Variants in CADM2 observed in about 807,000 individuals in gnomAD.
The protein encoded by CADM2 is immunoglobulin superfamily member 4D.
A neutral mutation model predicts 49.8 loss-of-function variants in CADM2; 12 were observed. That is an observed-to-expected ratio of 0.24 (90% confidence interval 0.15 to 0.39). CADM2 has a LOEUF of 0.39. Ranked by LOEUF, CADM2 falls within the 10% of genes least tolerant of loss-of-function variation. CADM2 has a pLI of 1.00. For synonymous variants in CADM2, 214 were observed against 175.4 expected (o/e 1.22, Z -1.74); for missense variants, 378 against 492.3 (o/e 0.77, Z 2.20).
chr3:85,897,891 A>C (rs1715470826), intron 5 of CADM2, among the ~76,000 whole-genome samples: 1 of 152,200 alleles, frequency 6.6e-6, no homozygotes, highest in Non-Finnish European at 1.5e-5. Context: ...TGCATCATGT[A>C]TAAGAATGAA....
At chr3:86,025,271 G>C (rs1306187915) in intron 8 of CADM2, among the ~76,000 whole-genome samples, 1 of 152,038 alleles carries the variant, frequency 6.6e-6, no homozygotes, top group Non-Finnish European at 1.5e-5. Context: ...TGGCCAGGCT[G>C]GTCTCAAACT....
intron 1 of CADM2, among the ~76,000 whole-genome samples, chr3:85,277,034 A>C (rs923235284): frequency 6.6e-6 from 1 of 151,428 alleles, no homozygotes; most frequent in African/African-American, 2.4e-5. Flanking sequence ...AGCTAATACA[A>C]AGAAGAAATG....
chr3:85,846,367 A>C (rs1046186758), intron 3 of CADM2, among the ~76,000 whole-genome samples: 1 of 152,132 alleles, frequency 6.6e-6, no homozygotes, highest in Non-Finnish European at 1.5e-5. Flanking sequence ...TGAGCAACAG[A>C]GCTGTATAGA....
At chr3:85,846,429 C>T in intron 3 of CADM2, among the ~76,000 whole-genome samples, 1 of 152,160 alleles carries the variant, frequency 6.6e-6, no homozygotes. Flanking sequence ...TTCTTATATG[C>T]CAATTCCTAA....
intron 7 of CADM2, among the ~76,000 whole-genome samples, chr3:85,951,663 A>C (rs1367505367): frequency 6.6e-6 from 1 of 150,730 alleles, no homozygotes; most frequent in African/African-American, 2.4e-5. Flanking sequence ...ACAACAAAAA[A>C]CCTCCAAGAT....
chr3:85,328,406 T>C (rs935996600), intron 1 of CADM2, among the ~76,000 whole-genome samples: 2 of 152,236 alleles, frequency 1.3e-5, no homozygotes, highest in Non-Finnish European at 2.9e-5. Flanking sequence ...GGAATTAAAT[T>C]TTAAATTTCC....
At chr3:85,481,096 A>G (rs2039190581) in intron 1 of CADM2, among the ~76,000 whole-genome samples, 1 of 151,376 alleles carries the variant, frequency 6.6e-6, no homozygotes, top group Non-Finnish European at 1.5e-5. Context: ...AACAGAATAA[A>G]CATAACAATG....
chr3:85,000,515 T>G (rs1326614626), intron 1 of CADM2, among the ~76,000 whole-genome samples: 1 of 152,132 alleles, frequency 6.6e-6, no homozygotes, highest in Non-Finnish European at 1.5e-5. Context: ...TAAAATATCT[T>G]AAGATGACTT....
intron 2 of CADM2, among the ~76,000 whole-genome samples, chr3:85,741,150 A>T (rs2068366198): frequency 6.6e-6 from 1 of 152,150 alleles, no homozygotes; most frequent in African/African-American, 2.4e-5. Context: ...AGAGGTTAAA[A>T]TTTTTGAACC....
intron 1 of CADM2, among the ~76,000 whole-genome samples, chr3:85,194,136 A>G (rs2041280038): frequency 6.6e-6 from 1 of 152,058 alleles, no homozygotes; most frequent in African/African-American, 2.4e-5. Flanking sequence ...GTTTTCATAA[A>G]GCAGGGGTTG....
chr3:85,204,728 G>A (rs1299632888), intron 1 of CADM2, among the ~76,000 whole-genome samples: 2 of 152,042 alleles, frequency 1.3e-5, no homozygotes, highest in African/African-American at 4.8e-5. Flanking sequence ...TTTGCTAGGA[G>A]CTTTGATTAA....
chr3:85,408,741 C>T (rs1454336460), intron 1 of CADM2, among the ~76,000 whole-genome samples: 3 of 152,084 alleles, frequency 2.0e-5, no homozygotes, highest in East Asian at 3.9e-4. Flanking sequence ...TTTTAATTTT[C>T]CCTCACATCT....
At chr3:85,146,920 G>A (rs545810388) in intron 1 of CADM2, among the ~76,000 whole-genome samples, 4 of 152,114 alleles carry the variant, frequency 2.6e-5, no homozygotes, top group Admixed American at 2.6e-4. Flanking sequence ...GAAGGGATAG[G>A]GTTTGAATAC....
chr3:85,288,491 A>G (rs1576286459), intron 1 of CADM2, among the ~76,000 whole-genome samples: 1 of 152,146 alleles, frequency 6.6e-6, no homozygotes, highest in Non-Finnish European at 1.5e-5. Flanking sequence ...TTTTAAACTT[A>G]TTAAAATAAT....
At chr3:85,603,444 C>T (rs2063468467) in intron 1 of CADM2, among the ~76,000 whole-genome samples, 1 of 151,690 alleles carries the variant, frequency 6.6e-6, no homozygotes. Context: ...ATTTGTTTTT[C>T]CTCAATTTCA....
At chr3:85,671,888 A>G (rs918892814) in intron 1 of CADM2, among the ~76,000 whole-genome samples, 3 of 152,170 alleles carry the variant, frequency 2.0e-5, no homozygotes, top group Admixed American at 6.5e-5. Context: ...ACACTAATAT[A>G]TAAGACATAA....
chr3:85,851,396 AG>A (rs1204248001), intron 3 of CADM2, among the ~76,000 whole-genome samples: 1 of 152,088 alleles, frequency 6.6e-6, no homozygotes, highest in African/African-American at 2.4e-5. Context: ...TTTACAAACA[AG>A]GGTGAAAGTC....
intron 1 of CADM2, among the ~76,000 whole-genome samples, chr3:85,119,953 C>A (rs2107588346): frequency 6.6e-6 from 1 of 152,196 alleles, no homozygotes; most frequent in Non-Finnish European, 1.5e-5. Flanking sequence ...AAAGGACTAG[C>A]AGCCAGAATC....
chr3:85,633,202 T>A, intron 1 of CADM2, among the ~76,000 whole-genome samples: 1 of 152,070 alleles, frequency 6.6e-6, no homozygotes, highest in East Asian at 1.9e-4. Flanking sequence ...GGCTGAGTGT[T>A]GCCATTACTT....
Sources: gnomAD v4.1 joint callset for allele counts (sites outside exome capture counted in the v4.1 genomes callset) on GRCh38, gnomAD v4.1.1 for gene constraint, MANE v1.5 for transcripts, NCBI Gene and HGNC (gene_info 2026-07-23, HGNC 2026-07-21) for gene names.